The following FBN1 variants were observed in gnomAD, a reference collection of about 807,000 sequenced individuals.
FBN1 encodes the protein fibrillin-1.
In FBN1, 29 loss-of-function variants were observed where a neutral mutation model predicts 365.1. The observed-to-expected ratio is 0.08, with a 90% CI of 0.06 to 0.11. FBN1 has a LOEUF of 0.11. Ranked by LOEUF, FBN1 falls within the 10% of genes least tolerant of loss-of-function variation. The pLI is 1.00. For synonymous variants in FBN1, 1,210 were observed against 1,270.5 expected (o/e 0.95, Z 1.01); for missense variants, 2,476 against 3,703.2 (o/e 0.67, Z 8.60).
intron 5 of FBN1, among the ~76,000 whole-genome samples, chr15:48,597,534 G>A (rs1017912011): frequency 6.6e-6 from 1 of 152,156 alleles, no homozygotes; most frequent in African/African-American, 2.4e-5. Context: ...GGATCAGACA[G>A]GCATCATGGT....
At position 48,516,223 on chromosome 15, in the gene FBN1, T is replaced by C; in HGVS notation, c.1287A>G (p.Arg429=). ...ATGGATACAGATATTCCACTGGTGG[T>C]CGAGGGACCGGAATTTGAGGTCCAG... ...FPPGPQIPVP[R]PPVEYLYPSR... is the part of the protein sequence containing the mutation. The change falls in exon 11 of 66, where the codon CGA becomes CGG. Residue 429 remains arginine (R), a synonymous_variant. Transcript: ENST00000316623. 1 of 1,613,414 alleles carries C rather than the reference T, an allele frequency of 6.2e-7. No homozygotes were observed. Among genetic ancestry groups the C allele is most frequent in the East Asian group, 2.2e-5 (1 of 44,870 alleles).
Position 48,525,474 on chromosome 15 carries a change from T to C in FBN1, c.988+656A>G, listed in dbSNP as rs554729508. On this transcript the variant is annotated intron_variant, in intron 9 of 65. Transcript: ENST00000316623. ...AACACTCACAGCAGATAAAGTGAAA[T>C]TGCTATGCCTAGAATGTGTGTGGGA... 2.8e-3 allele frequency among the ~76,000 whole-genome samples: 431 copies of C among 152,292 alleles called. 2 individuals carry two copies. Among genetic ancestry groups the C allele is most frequent in the African/African-American group, 0.01 (420 of 41,562 alleles).
At chr15:48,570,803 G>A (rs2044300992) in intron 6 of FBN1, among the ~76,000 whole-genome samples, 1 of 152,214 alleles carries the variant, frequency 6.6e-6, no homozygotes, top group African/African-American at 2.4e-5. Context: ...GAGAGCTGGT[G>A]TGAATGTGCT....
chr15:48,415,529 T>C lies in FBN1; in HGVS notation c.8051+7A>G, dbSNP rs755589553. On this transcript the variant is annotated splice_region_variant and intron_variant, in intron 64 of 65. Coordinates refer to ENST00000316623, the MANE Select transcript of FBN1 (RefSeq NM_000138.5). ...CTCCAACCATGACCAGGAAGAGCAC[T>C]GCTTACCCTTGGCCTATGCGGAAGT... 3.7e-6 allele frequency: 6 copies of C among 1,602,706 alleles called. No homozygotes were observed. Among genetic ancestry groups the C allele is most frequent in the Non-Finnish European group, 5.1e-6 (6 of 1,169,792 alleles).
intron 63 of FBN1, among the ~76,000 whole-genome samples, chr15:48,418,430 A>G (rs1162978269): frequency 2.0e-5 from 3 of 152,234 alleles, no homozygotes; most frequent in African/African-American, 7.2e-5. Context: ...AAACTTGCTT[A>G]TCTAGGTTGG....
At chr15:48,499,581 A>G (rs2141309751) in intron 17 of FBN1, among the ~76,000 whole-genome samples, 1 of 152,346 alleles carries the variant, frequency 6.6e-6, no homozygotes, top group East Asian at 1.9e-4. Context: ...TACTGGATTC[A>G]TTCTCTATGG....
intron 24 of FBN1, among the ~76,000 whole-genome samples, chr15:48,491,045 G>T (rs1016139555): frequency 2.6e-5 from 4 of 152,126 alleles, no homozygotes; most frequent in African/African-American, 9.7e-5. Flanking sequence ...TATTCAGACT[G>T]CCCATATTAA....
chr15:48,451,474 A>T (rs2043200894), intron 45 of FBN1, among the ~76,000 whole-genome samples: 1 of 152,128 alleles, frequency 6.6e-6, no homozygotes, highest in Admixed American at 6.6e-5. Flanking sequence ...TCTCAATGCG[A>T]TTTTTTTGTT....
intron 10 of FBN1, among the ~76,000 whole-genome samples, chr15:48,519,181 C>T (rs2043830160): frequency 6.6e-6 from 1 of 152,188 alleles, no homozygotes; most frequent in Non-Finnish European, 1.5e-5. Flanking sequence ...CAGTGATCTA[C>T]TAAATGGTCC....
chr15:48,580,764 C>CATTTTAATT (rs1485707040), intron 6 of FBN1, among the ~76,000 whole-genome samples: 2 of 152,166 alleles, frequency 1.3e-5, no homozygotes, highest in African/African-American at 2.4e-5. Context: ...CAGAGTGATC[C>CATTTTAATT]ATTTTAATTA....
At chr15:48,494,796 T>C (rs1196873554) in intron 22 of FBN1, among the ~76,000 whole-genome samples, 2 of 152,144 alleles carry the variant, frequency 1.3e-5, no homozygotes, top group Non-Finnish European at 2.9e-5. Context: ...TTTCTTTACA[T>C]CAATTAGCTT....
intron 6 of FBN1, among the ~76,000 whole-genome samples, chr15:48,591,315 A>G (rs2044474967): frequency 6.6e-6 from 1 of 152,178 alleles, no homozygotes; most frequent in Non-Finnish European, 1.5e-5. Context: ...AAAAAAAATC[A>G]CACACTGATT....
chr15:48,540,671 G>C (rs941302610), intron 6 of FBN1, among the ~76,000 whole-genome samples: 4 of 152,038 alleles, frequency 2.6e-5, no homozygotes, highest in African/African-American at 9.7e-5. Context: ...TCTGAGACTA[G>C]AAAGATCACA....
chr15:48,425,757 T>G lies in FBN1; in HGVS notation c.7312A>C (p.Thr2438Pro). The G allele has an allele frequency of 6.2e-7, 1 of 1,613,600 alleles. No individual in the cohort carries two copies. The highest frequency in any genetic ancestry group is 8.5e-7 in the Non-Finnish European group (1 of 1,179,528). ...CACTTACCTACACAGGAAGTCCCAGTTATATCTGGAGTGTACCCAGTTTTA... is the reference window on the plus strand; with the variant it reads ...CACTTACCTACACAGGAAGTCCCAGGTATATCTGGAGTGTACCCAGTTTTA... ...ICKTGYTPDI[T>P]GTSCVDLNEC... Residue 2438 changes from threonine to proline, a missense_variant, in exon 59 of 66, where the codon ACT becomes CCT. By Grantham distance (38) the Thr-to-Pro change is conservative (BLOSUM62 -1). Coordinates refer to ENST00000316623, the MANE Select transcript of FBN1 (RefSeq NM_000138.5).
At chr15:48,550,328 T>C (rs1452714735) in intron 6 of FBN1, among the ~76,000 whole-genome samples, 1 of 152,108 alleles carries the variant, frequency 6.6e-6, no homozygotes, top group Non-Finnish European at 1.5e-5. Context: ...TTAGACTTGC[T>C]CCTCCCACAC....
At chr15:48,427,399 C>T (rs536585967) in intron 58 of FBN1, among the ~76,000 whole-genome samples, 168 bp downstream of exon 58, 28 of 152,348 alleles carry the variant, frequency 1.8e-4, no homozygotes, top group African/African-American at 5.3e-4. Context: ...GCCACTTTGG[C>T]AGCATGACCT....
intron 19 of FBN1, among the ~76,000 whole-genome samples, chr15:48,496,743 T>C (rs944379391): frequency 3.9e-5 from 6 of 152,198 alleles, no homozygotes; most frequent in Non-Finnish European, 8.8e-5. Context: ...CATTTATGAT[T>C]GTCATGGGGA....
Position 48,610,844 on chromosome 15 carries a change from G to A in FBN1, c.248-18C>T. ...GCAAATGGCTGTGAATAAACCAGAG[G>A]TCTGTTAGCACATGGATTTGGAACA... is the stretch of plus-strand genomic sequence containing the variant. On this transcript the variant is annotated intron_variant, in intron 3 of 65. Transcript: ENST00000316623. 6.2e-7 allele frequency: 1 copy of A among 1,602,954 alleles called. No homozygotes were observed. The highest frequency in any genetic ancestry group is 8.5e-7 in the Non-Finnish European group (1 of 1,170,208).
chr15:48,562,256 A>G (rs2044227569), intron 6 of FBN1, among the ~76,000 whole-genome samples: 1 of 152,166 alleles, frequency 6.6e-6, no homozygotes, highest in South Asian at 2.1e-4. Context: ...TGATGCTGGG[A>G]CATCTTCAGT....
Sources: allele counts gnomAD v4.1 joint callset (sites outside exome capture counted in the v4.1 genomes callset), GRCh38; gene constraint gnomAD v4.1.1; transcripts MANE v1.5; gene names NCBI Gene and HGNC (gene_info 2026-07-23, HGNC 2026-07-21).